USP28: variants seen among roughly 807,000 people sequenced by gnomAD.
USP28 encodes the protein ubiquitin specific peptidase 28, also known as ubiquitin carboxyl-terminal hydrolase 28.
USP28 carries 113 observed loss-of-function variants against 145.0 expected under a neutral mutation model. That is an observed-to-expected ratio of 0.78 (90% CI 0.67 to 0.91). USP28 has a LOEUF of 0.91. Among genes scored for constraint, USP28 ranks in the 40% least tolerant of loss-of-function variants. The pLI is 0.00. For missense variants in USP28, 1,201 were observed against 1,289.6 expected (o/e 0.93, Z 1.05); for synonymous variants, 447 against 450.9 (o/e 0.99, Z 0.11).
intron 14 of USP28, 59 bp from the exon 15 acceptor site, chr11:113,814,014 GGCTACTTT>G: frequency 7.5e-7 from 1 of 1,324,508 alleles, no homozygotes; most frequent in East Asian, 2.3e-5. Flanking sequence ...ATGTCACACA[GGCTACTTT>G]AACTAAGCAA....
chr11:113,874,880 C>A, intron 1 of USP28: 2 of 1,001,156 alleles, frequency 2.0e-6, no homozygotes, highest in Admixed American at 5.7e-5. Context: ...CCTTAAAAAT[C>A]TAGAGCGATG....
At position 113,861,494 on chromosome 11, in the gene USP28, AT is replaced by A. The variant is rs1433227043; in HGVS notation, c.58-7160del. Among the ~76,000 whole-genome samples the A allele has an allele frequency of 4.6e-5, 7 of 152,300 alleles. No individual in the cohort carries two copies. The East Asian group carries it at 1.3e-3, about 29-fold the overall frequency. Reference sequence around the variant, plus strand: ...TTTAAAATTTAGCCACTATTATATCATGTAGAGGGGTTAAAACTGGGACTTA... The same window carrying A: ...TTTAAAATTTAGCCACTATTATATCAGTAGAGGGGTTAAAACTGGGACTTA... On this transcript the variant is annotated intron_variant, in intron 1 of 24. Coordinates refer to ENST00000003302, the Ensembl canonical transcript of USP28.
At chr11:113,810,918 GCCCGCCTTGGCCT>G (rs905428195) in intron 16 of USP28, among the ~76,000 whole-genome samples, 2 of 152,176 alleles carry the variant, frequency 1.3e-5, no homozygotes, top group African/African-American at 4.8e-5. Context: ...CAAGTGATCC[GCCCGCCTTGGCCT>G]CCCAAAGTGC....
intron 1 of USP28, chr11:113,859,310 A>C (rs922896993): frequency 1.3e-5 from 2 of 152,360 alleles, no homozygotes; most frequent in African/African-American, 4.8e-5. Flanking sequence ...GCTAAATCAA[A>C]GATAGCTATA....
intron 1 of USP28, among the ~76,000 whole-genome samples, chr11:113,856,731 GAGAC>G (rs1429316397): frequency 6.6e-6 from 1 of 151,962 alleles, no homozygotes; most frequent in African/African-American, 2.4e-5. Context: ...ATTTATTTCT[GAGAC>G]AGAGTCTCAC....
intron 16 of USP28, among the ~76,000 whole-genome samples, chr11:113,809,474 C>A (rs1298331520): frequency 6.6e-6 from 1 of 152,096 alleles, no homozygotes; most frequent in Admixed American, 6.5e-5. Context: ...AAAATCTGCA[C>A]AATTAGTTAT....
At position 113,823,646 on chromosome 11, in the gene USP28, C is replaced by T. The variant is rs749432122; in HGVS notation, c.1242G>A (p.Lys414=). 4.3e-6 allele frequency: 7 copies of T among 1,612,634 alleles called. No homozygotes were observed. In the South Asian group the frequency reaches 7.7e-5, roughly 18 times the overall value. ...GCAGAATTTTTATTTCCTCCTTCAA[C>T]TTTCGAATACACTCTCTCTTATTTC... Residue 414 remains lysine, a synonymous_variant, in exon 12 of 25, where the codon AAG becomes AAA. Coordinates refer to ENST00000003302, the Ensembl canonical transcript of USP28.
chr11:113,838,191 A>G (rs1241505934), intron 5 of USP28, among the ~76,000 whole-genome samples: 1 of 152,052 alleles, frequency 6.6e-6, no homozygotes, highest in East Asian at 1.9e-4. Context: ...TCCACCCTCC[A>G]CAGGAGTGAA....
At chr11:113,854,842 T>C (rs1016679292) in intron 1 of USP28, among the ~76,000 whole-genome samples, 1 of 152,234 alleles carries the variant, frequency 6.6e-6, no homozygotes, top group African/African-American at 2.4e-5. Flanking sequence ...AAGAAATAGA[T>C]GACAGTAAAA....
chr11:113,870,873 T>C (rs1404475587), intron 1 of USP28, among the ~76,000 whole-genome samples: 1 of 152,142 alleles, frequency 6.6e-6, no homozygotes, highest in East Asian at 1.9e-4. Context: ...TTAGAAACTT[T>C]GTTCCAAAAG....
chr11:113,864,329 G>T (rs1264640807), intron 1 of USP28, among the ~76,000 whole-genome samples: 3 of 152,182 alleles, frequency 2.0e-5, no homozygotes, highest in African/African-American at 7.2e-5. Context: ...AACTGTACTA[G>T]TCAGAGTTCC....
At position 113,840,692 on chromosome 11, in the gene USP28, TC is replaced by T; in HGVS notation, c.439del (p.Glu147LysfsTer18). 6.2e-7 allele frequency: 1 copy of T among 1,614,238 alleles called. No individual in the cohort carries two copies. The highest frequency in any genetic ancestry group is 8.5e-7 in the Non-Finnish European group (1 of 1,180,046). ...CCTCCAGTCATTGGGATTGGGGTTT[TC>T]TCCCCAGACTTCACAGCGTTTTCTC... On this transcript the variant is annotated frameshift_variant, in exon 5 of 25. Coordinates refer to ENST00000003302, the Ensembl canonical transcript of USP28. LOFTEE classifies it high-confidence loss of function.
At chr11:113,841,601 A>G in intron 4 of USP28, 62 bp downstream of exon 4, 1 of 1,023,830 alleles carries the variant, frequency 9.8e-7, no homozygotes, top group Admixed American at 2.0e-5. Context: ...GCATTCACAG[A>G]GCTGTTGCCT....
rs766103917 is a variant in USP28, at chr11:113,827,215, A to G, written c.1187+18T>C. ...GCTGTAATACCTCAGGAAAAAAAAA[A>G]ATCAGCCAAGAACTCACCTGTCCAT... On this transcript the variant is annotated intron_variant, in intron 11 of 24. Transcript: ENST00000003302. The G allele has an allele frequency of 3.1e-5, 49 of 1,587,660 alleles. No homozygotes were observed. In the South Asian group the frequency reaches 5.3e-4, roughly 17 times the overall value.
intron 1 of USP28, among the ~76,000 whole-genome samples, chr11:113,866,357 G>A (rs756381890): frequency 7.2e-5 from 11 of 152,068 alleles, no homozygotes; most frequent in Non-Finnish European, 1.3e-4. Context: ...AAGACAATGG[G>A]AGAAAATACT....
At chr11:113,831,391 C>T (rs1480630976) in intron 8 of USP28, among the ~76,000 whole-genome samples, 2 of 152,154 alleles carry the variant, frequency 1.3e-5, no homozygotes, top group South Asian at 2.1e-4. Context: ...TCTTAAATTG[C>T]TACGTTGAGT....
intron 9 of USP28, among the ~76,000 whole-genome samples, chr11:113,830,163 C>T (rs1943827958): frequency 6.6e-6 from 1 of 151,860 alleles, no homozygotes; most frequent in South Asian, 2.1e-4. Flanking sequence ...ATGAATCACA[C>T]ACTGGGGTCC....
At chr11:113,867,053 G>A (rs1000442957) in intron 1 of USP28, among the ~76,000 whole-genome samples, 3 of 152,176 alleles carry the variant, frequency 2.0e-5, no homozygotes, top group Non-Finnish European at 2.9e-5. Flanking sequence ...GTCACATATT[G>A]CATGATCCAT....
intron 1 of USP28, among the ~76,000 whole-genome samples, chr11:113,873,699 T>C (rs1949045283): frequency 6.6e-6 from 1 of 152,182 alleles, no homozygotes; most frequent in Non-Finnish European, 1.5e-5. Context: ...TAAAAACAAA[T>C]AGAACTGACC....
Sources: allele counts gnomAD v4.1 joint callset (sites outside exome capture counted in the v4.1 genomes callset), GRCh38; gene constraint gnomAD v4.1.1; transcripts MANE v1.5; gene names NCBI Gene and HGNC (gene_info 2026-07-23, HGNC 2026-07-21).